The following TRAM2 variants were observed in gnomAD, a reference collection of about 807,000 sequenced individuals.
TRAM2 encodes translocating chain-associated membrane protein 2.
In TRAM2, 12 loss-of-function variants were observed where a neutral mutation model predicts 51.0. The observed-to-expected ratio is 0.24, with a 90% CI of 0.15 to 0.38. The LOEUF is 0.38. Among genes scored for constraint, TRAM2 ranks in the 10% least tolerant of loss-of-function variants. The pLI, the probability that TRAM2 is intolerant of heterozygous loss-of-function variation, is 1.00. For synonymous variants in TRAM2, 175 were observed against 179.4 expected (o/e 0.98, Z 0.20); for missense variants, 361 against 462.0 (o/e 0.78, Z 2.00).
At chr6:52,515,122 G>C (rs1034968220) in intron 4 of TRAM2, among the ~76,000 whole-genome samples, 2 of 152,202 alleles carry the variant, frequency 1.3e-5, no homozygotes, top group African/African-American at 4.8e-5. Context: ...GTCACTGAAA[G>C]AAGAGGAAGA....
chr6:52,554,801 C>A (rs1306047282), intron 1 of TRAM2, among the ~76,000 whole-genome samples: 1 of 137,420 alleles, frequency 7.3e-6, no homozygotes, highest in Admixed American at 7.8e-5. Flanking sequence ...GGGTCTTGCT[C>A]TGTGGGCCAG....
At chr6:52,531,625 G>A (rs926630253) in intron 2 of TRAM2, among the ~76,000 whole-genome samples, 1 of 152,150 alleles carries the variant, frequency 6.6e-6, no homozygotes, top group Non-Finnish European at 1.5e-5. Context: ...ACCCCCTGAG[G>A]TGTCTGCGCC....
chr6:52,519,028 A>G (rs533840379), intron 2 of TRAM2, among the ~76,000 whole-genome samples: 1 of 152,320 alleles, frequency 6.6e-6, no homozygotes, highest in East Asian at 1.9e-4. Context: ...AAGAAATATG[A>G]CTATAATCTG....
chr6:52,574,051 C>T (rs1289261505), intron 1 of TRAM2, among the ~76,000 whole-genome samples: 1 of 152,158 alleles, frequency 6.6e-6, no homozygotes. Context: ...TCTCCCATTC[C>T]CCTTGCACCT....
At chr6:52,522,797 C>T in intron 2 of TRAM2, 1 of 653,118 alleles carries the variant, frequency 1.5e-6, no homozygotes. Flanking sequence ...CCTCTGTGAG[C>T]AGCTGTCCCT....
chr6:52,526,076 A>G (rs2114078530), intron 2 of TRAM2, among the ~76,000 whole-genome samples: 1 of 152,000 alleles, frequency 6.6e-6, no homozygotes, highest in East Asian at 1.9e-4. Context: ...GAACTGTGAG[A>G]CAATACATTT....
At chr6:52,514,812 TG>T (rs1367433235) in intron 4 of TRAM2, among the ~76,000 whole-genome samples, 1 of 152,224 alleles carries the variant, frequency 6.6e-6, no homozygotes, top group East Asian at 1.9e-4. Flanking sequence ...GTCAAGGGAC[TG>T]GGTGTGGTCT....
Position 52,503,034 on chromosome 6 carries a change from AG to A in TRAM2, c.*162del. Reference sequence around the variant, plus strand: ...TTTGTGGAAGAATAAGAGGAAGCCAAGAAGAAGGAAAGCGAAACGCCCCCTC... The same window carrying A: ...TTTGTGGAAGAATAAGAGGAAGCCAAAAGAAGGAAAGCGAAACGCCCCCTC... On this transcript the variant is annotated 3_prime_UTR_variant, in exon 11 of 11. Coordinates refer to ENST00000182527, the MANE Select transcript of TRAM2 (RefSeq NM_012288.4). 3.0e-6 allele frequency: 2 copies of A among 670,832 alleles called. No individual in the cohort carries two copies. The highest frequency in any genetic ancestry group is 2.6e-6 in the Non-Finnish European group (1 of 378,758). The allele number at this position is 670,832 out of a possible 1,614,324, so 41.6% of individuals were successfully genotyped here.
intron 5 of TRAM2, among the ~76,000 whole-genome samples, chr6:52,509,147 G>A (rs554278686): frequency 6.6e-6 from 1 of 152,346 alleles, no homozygotes; most frequent in Admixed American, 6.5e-5. Context: ...CACTATATGA[G>A]GCAGAGGACA....
At chr6:52,572,192 C>T (rs1405547345) in intron 1 of TRAM2, among the ~76,000 whole-genome samples, 1 of 152,202 alleles carries the variant, frequency 6.6e-6, no homozygotes, top group Non-Finnish European at 1.5e-5. Context: ...TCCTTGGTTT[C>T]CTCTGTCTAA....
chr6:52,562,632 C>T (rs952846387), intron 1 of TRAM2, among the ~76,000 whole-genome samples: 1 of 152,102 alleles, frequency 6.6e-6, no homozygotes, highest in Admixed American at 6.5e-5. Flanking sequence ...CATAGGTGTA[C>T]ACATGCCATG....
intron 2 of TRAM2, chr6:52,517,368 T>A (rs1032814992): frequency 6.6e-6 from 1 of 152,442 alleles, no homozygotes; most frequent in Non-Finnish European, 1.5e-5. Context: ...GTCTGGCACA[T>A]AGTTAAGTGC....
intron 1 of TRAM2, among the ~76,000 whole-genome samples, chr6:52,539,875 T>C (rs1438300208): frequency 6.6e-6 from 1 of 152,160 alleles, no homozygotes; most frequent in African/African-American, 2.4e-5. Context: ...GCTGGGTGAA[T>C]AGTAGGTTTC....
chr6:52,537,098 G>A (rs1253392015), intron 1 of TRAM2, among the ~76,000 whole-genome samples: 1 of 152,098 alleles, frequency 6.6e-6, no homozygotes, highest in Non-Finnish European at 1.5e-5. Flanking sequence ...CCACTCCCCT[G>A]GTCAACAAGA....
chr6:52,517,625 G>C (rs1047757531), intron 2 of TRAM2, among the ~76,000 whole-genome samples: 1 of 152,256 alleles, frequency 6.6e-6, no homozygotes, highest in Admixed American at 6.5e-5. Context: ...CAGGCTGCGG[G>C]GCTGTGAGCC....
rs753115513 is a variant in TRAM2 at position 52,504,683 on chromosome 6, C to T, written c.947G>A (p.Arg316Gln). ...LMWRFIHSQL[R>Q]HWREYWNEQS... ...CTCATTCCAGTATTCCCGCCAGTGC[C>T]GCAGCTGGGAGTGGATGAAGCGCCA... is the stretch of plus-strand genomic sequence containing the variant. Residue 316 changes from arginine to glutamine, a missense_variant, in exon 10 of 11, where the codon CGG (arginine) becomes CAG (glutamine). Arg to Gln is a conservative substitution (Grantham distance 43). Coordinates refer to ENST00000182527, the MANE Select transcript of TRAM2 (RefSeq NM_012288.4). 5.6e-6 allele frequency: 9 copies of T among 1,613,460 alleles called. No homozygotes were observed. The highest frequency in any genetic ancestry group is 1.3e-5 in the African/African-American group (1 of 74,922).
intron 4 of TRAM2, among the ~76,000 whole-genome samples, chr6:52,514,511 C>G (rs1323032955): frequency 6.6e-6 from 1 of 152,118 alleles, no homozygotes; most frequent in Non-Finnish European, 1.5e-5. Flanking sequence ...CCAAGAAAAG[C>G]CTATGTGCTC....
intron 1 of TRAM2, among the ~76,000 whole-genome samples, chr6:52,566,240 A>G (rs1490601726): frequency 2.6e-5 from 4 of 151,954 alleles, no homozygotes; most frequent in African/African-American, 9.7e-5. Flanking sequence ...CTCTCTCCCA[A>G]CTTTCACTGT....
At chr6:52,555,666 G>A (rs377272403) in intron 1 of TRAM2, among the ~76,000 whole-genome samples, 4 of 152,202 alleles carry the variant, frequency 2.6e-5, no homozygotes, top group African/African-American at 7.2e-5. Context: ...ACAGATTTAT[G>A]TCACCATTTT....
Sources: gnomAD v4.1 joint callset for allele counts (sites outside exome capture counted in the v4.1 genomes callset) on GRCh38, gnomAD v4.1.1 for gene constraint, MANE v1.5 for transcripts, NCBI Gene and HGNC (gene_info 2026-07-23, HGNC 2026-07-21) for gene names.